BRMS1L: variants seen among roughly 807,000 people sequenced by gnomAD.
The protein encoded by BRMS1L is BRMS1 like transcriptional repressor.
Under a neutral mutation model 50.3 loss-of-function variants are expected in BRMS1L, and 23 were observed. The ratio of observed to expected loss-of-function variants is 0.46; its 90% confidence interval spans 0.33 to 0.65. The LOEUF is 0.65. BRMS1L is among the 30% of genes least tolerant of loss of function. The pLI is 0.02. For synonymous variants in BRMS1L, 114 were observed against 126.9 expected (o/e 0.90, Z 0.69); for missense variants, 286 against 386.1 (o/e 0.74, Z 2.17).
At chr14:35,861,667 C>T (rs1164038569) in intron 4 of BRMS1L, among the ~76,000 whole-genome samples, 1 of 152,162 alleles carries the variant, frequency 6.6e-6, no homozygotes, top group Non-Finnish European at 1.5e-5. Flanking sequence ...CTCAGGAAAC[C>T]CTTCAAGCAT....
intron 4 of BRMS1L, among the ~76,000 whole-genome samples, chr14:35,853,400 A>AATG (rs200810819): frequency 0.026 from 3,884 of 151,234 alleles, 127 homozygotes; most frequent in African/African-American, 0.072. Flanking sequence ...TGATGATGTT[A>AATG]ATGATGATGA....
chr14:35,845,437 A>T (rs1406920767), intron 4 of BRMS1L, among the ~76,000 whole-genome samples: 1 of 152,164 alleles, frequency 6.6e-6, no homozygotes, highest in East Asian at 1.9e-4. Flanking sequence ...TTAAATTTTA[A>T]ATGCTTTGTC....
intron 4 of BRMS1L, among the ~76,000 whole-genome samples, chr14:35,846,069 A>G (rs1244179001): frequency 1.2e-4 from 18 of 152,206 alleles, no homozygotes; most frequent in Admixed American, 1.2e-3. Context: ...ACATTCTTTT[A>G]CATAACCAAA....
intron 3 of BRMS1L, among the ~76,000 whole-genome samples, chr14:35,834,108 G>A (rs1432526018): frequency 1.3e-5 from 2 of 152,082 alleles, no homozygotes; most frequent in African/African-American, 2.4e-5. Context: ...TGCTGATGAC[G>A]TAGTTCCAGA....
At chr14:35,834,970 C>A (rs569522158) in intron 4 of BRMS1L, 47 bp downstream of exon 4, 17 of 1,458,112 alleles carry the variant, frequency 1.2e-5, no homozygotes, top group Admixed American at 4.0e-5. Context: ...TCTCTTCAAG[C>A]CTTTTCTGAG....
intron 8 of BRMS1L, among the ~76,000 whole-genome samples, chr14:35,867,574 A>G (rs905219567): frequency 2.6e-5 from 4 of 152,238 alleles, no homozygotes; most frequent in Non-Finnish European, 5.9e-5. Flanking sequence ...ATAATTTTCA[A>G]TTGAAATATG....
chr14:35,861,030 T>TA (rs1407736170), intron 4 of BRMS1L, among the ~76,000 whole-genome samples: 2 of 152,120 alleles, frequency 1.3e-5, no homozygotes, highest in African/African-American at 4.8e-5. Context: ...GCTGTTCCAT[T>TA]AGGGCTTCAT....
intron 6 of BRMS1L, among the ~76,000 whole-genome samples, chr14:35,864,493 T>C (rs2078395438): frequency 6.6e-6 from 1 of 152,196 alleles, no homozygotes; most frequent in South Asian, 2.1e-4. Context: ...ACTCCTGGGC[T>C]TAAGCCTGCA....
chr14:35,842,608 C>T (rs747603406), intron 4 of BRMS1L, among the ~76,000 whole-genome samples: 2 of 152,180 alleles, frequency 1.3e-5, no homozygotes, highest in Non-Finnish European at 2.9e-5. Context: ...CTGCCCTTAA[C>T]ATTTTTTCCT....
intron 1 of BRMS1L, among the ~76,000 whole-genome samples, chr14:35,830,593 A>C (rs2077906822): frequency 6.7e-6 from 1 of 148,954 alleles, no homozygotes; most frequent in Non-Finnish European, 1.5e-5. Flanking sequence ...CTTGAGCTCG[A>C]GCAATCCTCC....
Position 35,826,454 on chromosome 14 carries a change from T to C in BRMS1L, c.-63T>C, listed in dbSNP as rs1439814671. The C allele has an allele frequency of 1.3e-6, 2 of 1,548,390 alleles. No homozygotes were observed. Among genetic ancestry groups the C allele is most frequent in the South Asian group, 1.2e-5 (1 of 83,966 alleles). On this transcript the variant is annotated 5_prime_UTR_variant, in exon 1 of 10. Coordinates refer to ENST00000216807, the MANE Select transcript of BRMS1L (RefSeq NM_032352.4). ...GTGGGTTGGGGCGTTCCGCGCGCCC[T>C]TCATTGAAGCGGCGGTGGCCGGGCT... is the stretch of plus-strand genomic sequence containing the variant.
In BRMS1L at chr14:35,871,684, A is replaced by G. The variant is rs1036247805; in HGVS notation, c.*1207A>G. The G allele has an allele frequency of 6.5e-6, 1 of 152,672 alleles. No homozygotes were observed. The highest frequency in any genetic ancestry group is 1.5e-5 in the Non-Finnish European group (1 of 68,038). 9.5% of individuals were successfully genotyped at this position (152,672 alleles called of 1,614,324 possible). On this transcript the variant is annotated 3_prime_UTR_variant, in exon 10 of 10. Coordinates refer to ENST00000216807, the MANE Select transcript of BRMS1L (RefSeq NM_032352.4). ...TAACACTTACTGCAGAAATGTCTGCATTATTCCGTTTGTTTTCTTATTATT... is the reference window on the plus strand; with the variant it reads ...TAACACTTACTGCAGAAATGTCTGCGTTATTCCGTTTGTTTTCTTATTATT...
rs2078400112 is a variant in BRMS1L, at chr14:35,864,812, A to G, written c.623-123A>G. On this transcript the variant is annotated intron_variant, in intron 6 of 9. Coordinates refer to ENST00000216807, the MANE Select transcript of BRMS1L (RefSeq NM_032352.4). ...GTGGTTTGAAGAATAATTTGAAGTCAGAATTTAGGATGCCAAAGCATTATG... is the reference window on the plus strand; with the variant it reads ...GTGGTTTGAAGAATAATTTGAAGTCGGAATTTAGGATGCCAAAGCATTATG... 8.5e-6 allele frequency: 6 copies of G among 709,052 alleles called. No individual in the cohort carries two copies. The South Asian group carries it at 1.1e-4, about 13-fold the overall frequency. 43.9% of individuals were successfully genotyped at this position (709,052 alleles called of 1,614,324 possible).
chr14:35,857,025 G>A (rs1212824358), intron 4 of BRMS1L, among the ~76,000 whole-genome samples: 2 of 151,960 alleles, frequency 1.3e-5, no homozygotes, highest in Non-Finnish European at 2.9e-5. Context: ...CAGATCACTT[G>A]AGGTCAGGAG....
At chr14:35,852,253 C>T (rs182492524) in intron 4 of BRMS1L, among the ~76,000 whole-genome samples, 77 of 152,272 alleles carry the variant, frequency 5.1e-4, no homozygotes, top group African/African-American at 1.7e-3. Flanking sequence ...ATCACTTAGG[C>T]TGGAATGTAG....
At chr14:35,857,255 A>AG (rs2078293050) in intron 4 of BRMS1L, among the ~76,000 whole-genome samples, 1 of 139,030 alleles carries the variant, frequency 7.2e-6, no homozygotes, top group African/African-American at 2.7e-5. Context: ...AAAAAAATAT[A>AG]TATATATATG....
chr14:35,839,779 G>A (rs1053008944), intron 4 of BRMS1L, among the ~76,000 whole-genome samples: 24 of 152,152 alleles, frequency 1.6e-4, no homozygotes, highest in Non-Finnish European at 2.9e-4. Context: ...GGGCTGAGAC[G>A]ATGGGGTTAT....
At chr14:35,868,608 C>T (rs185678762) in intron 9 of BRMS1L, among the ~76,000 whole-genome samples, 55 of 152,098 alleles carry the variant, frequency 3.6e-4, no homozygotes, top group African/African-American at 1.3e-3. Flanking sequence ...TTGGCAAGAC[C>T]CTGTCTCTAC....
intron 4 of BRMS1L, among the ~76,000 whole-genome samples, chr14:35,861,744 A>G (rs1182680684): frequency 6.6e-6 from 1 of 152,184 alleles, no homozygotes; most frequent in African/African-American, 2.4e-5. Context: ...TGCAGCCTAC[A>G]TGGGTGTGGC....
Sources: allele counts gnomAD v4.1 joint callset (sites outside exome capture counted in the v4.1 genomes callset), GRCh38; gene constraint gnomAD v4.1.1; transcripts MANE v1.5; gene names NCBI Gene and HGNC (gene_info 2026-07-23, HGNC 2026-07-21).